Variants in NMNAT2 observed in about 807,000 individuals in gnomAD.
The protein encoded by NMNAT2 is nicotinamide/nicotinic acid mononucleotide adenylyltransferase 2.
Under a neutral mutation model 41.6 loss-of-function variants are expected in NMNAT2, and 11 were observed. The ratio of observed to expected loss-of-function variants is 0.26; its 90% CI spans 0.17 to 0.44. NMNAT2 has a LOEUF of 0.44. Among genes scored for constraint, NMNAT2 ranks in the 20% least tolerant of loss-of-function variants. The pLI, the probability that NMNAT2 is intolerant of heterozygous loss-of-function variation, is 1.00. For synonymous variants in NMNAT2, 148 were observed against 151.2 expected, an observed-to-expected ratio of 0.98 and a Z score of 0.16; for missense variants, 288 against 407.7, an observed-to-expected ratio of 0.71 and a Z score of 2.53.
rs548844198 is a variant in NMNAT2 at position 183,293,125 on chromosome 1, C to T, written c.175-268G>A. Among the ~76,000 whole-genome samples, 14 of 152,258 alleles carry T rather than the reference C, an allele frequency of 9.2e-5. 1 individual carries two copies. The South Asian group carries it at 2.9e-3, about 32-fold the overall frequency. Reference sequence around the variant, plus strand: ...CATTTGCGAAGCAGCCCCTGTGTGCCCTGCAGAGATGAGACTTAACTCAGC... The same window carrying T: ...CATTTGCGAAGCAGCCCCTGTGTGCTCTGCAGAGATGAGACTTAACTCAGC... On this transcript the variant is annotated intron_variant, in intron 2 of 10. Coordinates refer to ENST00000287713, the MANE Select transcript of NMNAT2 (RefSeq NM_015039.4).
At chr1:183,325,698 T>C (rs911539930) in intron 1 of NMNAT2, among the ~76,000 whole-genome samples, 27 of 152,230 alleles carry the variant, frequency 1.8e-4, no homozygotes, top group Non-Finnish European at 2.5e-4. Context: ...GTTTCTTAAA[T>C]GTAATTTCAG....
At chr1:183,350,436 G>A (rs1239538752) in intron 1 of NMNAT2, among the ~76,000 whole-genome samples, 1 of 152,138 alleles carries the variant, frequency 6.6e-6, no homozygotes, top group Admixed American at 6.5e-5. Context: ...AAAGAAAGAA[G>A]GGGCCCTCCT....
intron 1 of NMNAT2, among the ~76,000 whole-genome samples, chr1:183,413,278 C>G (rs1446473616): frequency 6.6e-6 from 1 of 152,198 alleles, no homozygotes; most frequent in Non-Finnish European, 1.5e-5. Flanking sequence ...TGGCCTTGGT[C>G]ACAGCCAGAA....
chr1:183,326,418 T>C (rs575656800), intron 1 of NMNAT2, among the ~76,000 whole-genome samples: 3 of 146,872 alleles, frequency 2.0e-5, no homozygotes, highest in Non-Finnish European at 4.5e-5. Flanking sequence ...GGAAGAGAAC[T>C]ATTTAGATAT....
chr1:183,277,267 GAGGTC>G (rs1661145400), intron 8 of NMNAT2, among the ~76,000 whole-genome samples: 1 of 152,140 alleles, frequency 6.6e-6, no homozygotes, highest in Non-Finnish European at 1.5e-5. Context: ...CAGATCACCT[GAGGTC>G]AGGGGTTCGA....
intron 1 of NMNAT2, among the ~76,000 whole-genome samples, chr1:183,389,051 C>T (rs757550530): frequency 4.6e-5 from 7 of 152,136 alleles, no homozygotes; most frequent in Non-Finnish European, 1.0e-4. Flanking sequence ...TGGAGGAGAG[C>T]GTCAGCCTTA....
At chr1:183,296,351 A>G (rs983005891) in intron 1 of NMNAT2, among the ~76,000 whole-genome samples, 1 of 152,286 alleles carries the variant, frequency 6.6e-6, no homozygotes, top group East Asian at 1.9e-4. Flanking sequence ...TCATATGGTA[A>G]GATTATGTTT....
intron 1 of NMNAT2, among the ~76,000 whole-genome samples, chr1:183,330,907 G>T (rs1662568313): frequency 6.6e-6 from 1 of 152,162 alleles, no homozygotes; most frequent in Non-Finnish European, 1.5e-5. Context: ...CAGTCCCTGT[G>T]TAAATGATCC....
At chr1:183,288,968 T>TG (rs1399496743) in intron 4 of NMNAT2, among the ~76,000 whole-genome samples, 1 of 152,168 alleles carries the variant, frequency 6.6e-6, no homozygotes, top group Non-Finnish European at 1.5e-5. Flanking sequence ...TTCAATTCCG[T>TG]GGGGAAGAAA....
At chr1:183,349,450 A>C (rs1662998309) in intron 1 of NMNAT2, among the ~76,000 whole-genome samples, 1 of 152,254 alleles carries the variant, frequency 6.6e-6, no homozygotes, top group Admixed American at 6.5e-5. Context: ...AAGAGGGAGA[A>C]ATGAAAAGAC....
At chr1:183,305,833 G>T (rs971869145) in intron 1 of NMNAT2, among the ~76,000 whole-genome samples, 1 of 146,978 alleles carries the variant, frequency 6.8e-6, no homozygotes, top group Non-Finnish European at 1.5e-5. Context: ...TGATTCTCCC[G>T]CCTTAGCCTT....
At chr1:183,369,256 T>G (rs1663478064) in intron 1 of NMNAT2, among the ~76,000 whole-genome samples, 1 of 88,928 alleles carries the variant, frequency 1.1e-5, no homozygotes, top group African/African-American at 3.8e-5. Context: ...TTTTTTTCTT[T>G]TCTTTTCTTT....
At chr1:183,345,949 G>A (rs1262705341) in intron 1 of NMNAT2, among the ~76,000 whole-genome samples, 1 of 152,160 alleles carries the variant, frequency 6.6e-6, no homozygotes, top group Non-Finnish European at 1.5e-5. Flanking sequence ...GCCTCCCAAA[G>A]TGCTGGGATT....
intron 1 of NMNAT2, among the ~76,000 whole-genome samples, chr1:183,312,048 C>G (rs1033807625): frequency 6.6e-6 from 1 of 152,094 alleles, no homozygotes; most frequent in Non-Finnish European, 1.5e-5. Context: ...AATTGTGAGG[C>G]CTCCCCAGCC....
intron 1 of NMNAT2, among the ~76,000 whole-genome samples, chr1:183,346,495 C>T (rs897206112): frequency 2.0e-5 from 3 of 152,170 alleles, no homozygotes; most frequent in African/African-American, 7.2e-5. Flanking sequence ...AATGGAGCCC[C>T]TCGTGCTGAA....
Position 183,248,995 on chromosome 1 carries a change from C to T in NMNAT2, c.*3646G>A, listed in dbSNP as rs879030653. The T allele has an allele frequency of 6.7e-6, 1 of 148,834 alleles. No individual in the cohort carries two copies. Among genetic ancestry groups the T allele is most frequent in the South Asian group, 2.2e-4 (1 of 4,650 alleles). The allele number at this position is 148,834 out of a possible 1,614,324, so 9.2% of individuals were successfully genotyped here. A position where few individuals can be genotyped will look rare whatever the true frequency, so the allele number is the denominator to read the frequency against. On this transcript the variant is annotated 3_prime_UTR_variant, in exon 11 of 11. Transcript: ENST00000287713. ...AGTTTTTTCTCCCTGTAATTCTCTGCCTTTTGCTGTAGTTCAGTTATTATT... is the reference window on the plus strand; with the variant it reads ...AGTTTTTTCTCCCTGTAATTCTCTGTCTTTTGCTGTAGTTCAGTTATTATT...
chr1:183,387,467 A>T (rs961870354), intron 1 of NMNAT2, among the ~76,000 whole-genome samples: 4 of 152,208 alleles, frequency 2.6e-5, no homozygotes, highest in Non-Finnish European at 5.9e-5. Context: ...ACAAATCTGG[A>T]TCCTTAAAAA....
intron 1 of NMNAT2, among the ~76,000 whole-genome samples, chr1:183,353,935 CCT>C (rs1385475109): frequency 6.6e-6 from 1 of 152,084 alleles, no homozygotes. Flanking sequence ...GGCTCCATTC[CCT>C]CTCTAGCAGA....
chr1:183,278,117 T>C (rs1661166776), intron 8 of NMNAT2, among the ~76,000 whole-genome samples: 1 of 152,212 alleles, frequency 6.6e-6, no homozygotes, highest in Non-Finnish European at 1.5e-5. Context: ...GCTGACCTCT[T>C]GCCATGAACT....
Sources: allele counts gnomAD v4.1 joint callset (sites outside exome capture counted in the v4.1 genomes callset), GRCh38; gene constraint gnomAD v4.1.1; transcripts MANE v1.5; gene names NCBI Gene and HGNC (gene_info 2026-07-23, HGNC 2026-07-21).